Variants in NR2F2 observed in about 807,000 individuals in gnomAD.
The protein encoded by NR2F2 is nuclear receptor subfamily 2 group F member 2, also known as COUP transcription factor 2.
In NR2F2, 2 loss-of-function variants were observed where a neutral mutation model predicts 34.8. That is an observed-to-expected ratio of 0.06 (90% CI 0.02 to 0.18). The LOEUF is 0.18. Ranked by LOEUF, NR2F2 falls within the 10% of genes least tolerant of loss-of-function variation. NR2F2 has a pLI of 1.00. For synonymous variants in NR2F2, 274 were observed against 251.8 expected, an observed-to-expected ratio of 1.09 and a Z score of -0.84; for missense variants, 300 against 580.1, an observed-to-expected ratio of 0.52 and a Z score of 4.96.
In NR2F2 at chr15:96,332,074, G is replaced by T; in HGVS notation, c.-32G>T. 1 of 1,280,986 alleles carries T rather than the reference G, an allele frequency of 7.8e-7. No individual in the cohort carries two copies. The allele number at this position is 1,280,986 out of a possible 1,614,324, so 79.4% of individuals were successfully genotyped here. Reference sequence around the variant, plus strand: ...GCCCCGCCGCCGCCCGCAGCCAGGGGAGCAGGAAGTCCGGACGCAGCCCCC... The same window carrying T: ...GCCCCGCCGCCGCCCGCAGCCAGGGTAGCAGGAAGTCCGGACGCAGCCCCC... On this transcript the variant is annotated 5_prime_UTR_variant, in exon 1 of 3. Coordinates refer to ENST00000394166, the MANE Select transcript of NR2F2 (RefSeq NM_021005.4).
In NR2F2 at chr15:96,337,790, A is replaced by T; in HGVS notation, c.*168A>T. The T allele has an allele frequency of 2.4e-6, 1 of 409,424 alleles. No homozygotes were observed. Among genetic ancestry groups the T allele is most frequent in the East Asian group, 5.0e-5 (1 of 20,004 alleles). The allele number at this position is 409,424 out of a possible 1,614,324, so 25.4% of individuals were successfully genotyped here. A position where few individuals can be genotyped will look rare whatever the true frequency, so the allele number is the denominator to read the frequency against. ...CTGTGAATTTCAAAAAAAAAAAAAA[A>T]GACTGTCAAATGAACTTTTACAGAA... is the stretch of plus-strand genomic sequence containing the variant. On this transcript the variant is annotated 3_prime_UTR_variant, in exon 3 of 3. Transcript: ENST00000394166.
chr15:96,331,255 C>A lies in NR2F2; in HGVS notation c.-851C>A. The stretch of plus-strand genomic sequence containing the variant: ...TGCGGGCGGCGGCGGCCGGAGAGAG[C>A]GAGGCGCGCGCCGGACGCCCGGGGC... On this transcript the variant is annotated 5_prime_UTR_variant, in exon 1 of 3. Transcript: ENST00000394166. 1 of 989,742 alleles carries A rather than the reference C, an allele frequency of 1.0e-6. No homozygotes were observed. Among genetic ancestry groups the A allele is most frequent in the Non-Finnish European group, 1.2e-6 (1 of 834,458 alleles). The allele number at this position is 989,742 out of a possible 1,614,324, so 61.3% of individuals were successfully genotyped here. A position where few individuals can be genotyped will look rare whatever the true frequency, so the allele number is the denominator to read the frequency against.
chr15:96,337,249 A>G, intron 2 of NR2F2, 99 bp from the exon 3 acceptor site: 2 of 1,399,044 alleles, frequency 1.4e-6, no homozygotes, highest in Non-Finnish European at 1.9e-6. Flanking sequence ...ACCTCATGTG[A>G]CCCAATTCAA....
Position 96,339,745 on chromosome 15 carries a change from T to C in NR2F2, c.*2123T>C, listed in dbSNP as rs1319260288. 1.3e-5 allele frequency: 2 copies of C among 152,188 alleles called. No individual in the cohort carries two copies. Among genetic ancestry groups the C allele is most frequent in the African/African-American group, 2.4e-5 (1 of 41,446 alleles). The allele number at this position is 152,188 out of a possible 1,614,324, so 9.4% of individuals were successfully genotyped here. A position where few individuals can be genotyped will look rare whatever the true frequency, so the allele number is the denominator to read the frequency against. ...TTCATTTTTCCTCTTTCTCTTTTCC[T>C]GGTTTGGAGGAAGCTCGGTGCTGGG... On this transcript the variant is annotated 3_prime_UTR_variant, in exon 3 of 3. Transcript: ENST00000394166.
chr15:96,334,723 G>A (rs1899269225), intron 2 of NR2F2, 120 bp downstream of exon 2: 2 of 1,110,074 alleles, frequency 1.8e-6, no homozygotes, highest in Non-Finnish European at 2.5e-6. Flanking sequence ...ACTGTTGAGT[G>A]CAACTTAAAG....
chr15:96,332,063 C>T lies in NR2F2; in HGVS notation c.-43C>T, dbSNP rs1225765824. On this transcript the variant is annotated 5_prime_UTR_variant, in exon 1 of 3. Transcript: ENST00000394166. ...GAGCCGCCGCCGCCCCGCCGCCGCC[C>T]GCAGCCAGGGGAGCAGGAAGTCCGG... The T allele has an allele frequency of 1.3e-5, 17 of 1,267,190 alleles. No homozygotes were observed. The highest frequency in any genetic ancestry group is 1.6e-5 in the Non-Finnish European group (16 of 1,005,550). 78.5% of individuals were successfully genotyped at this position (1,267,190 alleles called of 1,614,324 possible).
Position 96,332,311 on chromosome 15 carries a change from A to G in NR2F2, c.206A>G (p.Asp69Gly). 1 of 1,587,028 alleles carries G rather than the reference A, an allele frequency of 6.3e-7. No homozygotes were observed. The highest frequency in any genetic ancestry group is 8.6e-7 in the Non-Finnish European group (1 of 1,167,256). ...GGCGGCCCTGGCGGCCCGGGTAGCGACAAGCAGCAGCAGCAGCAACACATC... is the reference window on the plus strand; with the variant it reads ...GGCGGCCCTGGCGGCCCGGGTAGCGGCAAGCAGCAGCAGCAGCAACACATC... ...GQGGPGGPGS[D>G]KQQQQQHIEC... is the part of the protein sequence containing the mutation. Residue 69 changes from aspartate to glycine, a missense_variant, in exon 1 of 3, where the codon GAC (aspartate) becomes GGC (glycine). Transcript: ENST00000394166.
Position 96,337,167 on chromosome 15 carries a change from C to T in NR2F2, c.971-181C>T, listed in dbSNP as rs932607494. 2.0e-5 allele frequency among the ~76,000 whole-genome samples: 3 copies of T among 152,020 alleles called. No homozygotes were observed. In the South Asian group the frequency reaches 6.2e-4, roughly 32 times the overall value. On this transcript the variant is annotated intron_variant, in intron 2 of 2. Transcript: ENST00000394166. ...CTTTCTTCCCCCACCCCGCCTCCCC[C>T]CCTTAAGTTTTCAGTACATAGACAT...
upstream of NR2F2, among the ~76,000 whole-genome samples, chr15:96,327,658 G>C (rs1431992182): frequency 6.6e-6 from 1 of 152,226 alleles, no homozygotes; most frequent in Non-Finnish European, 1.5e-5. Context: ...ACACGGACTA[G>C]ATTGAGGGAA....
Position 96,339,370 on chromosome 15 carries a change from T to A in NR2F2, c.*1748T>A. The A allele has an allele frequency of 6.6e-6, 1 of 151,938 alleles. No homozygotes were observed. The highest frequency in any genetic ancestry group is 1.9e-4 in the East Asian group (1 of 5,182). 9.4% of individuals were successfully genotyped at this position (151,938 alleles called of 1,614,324 possible). ...TACTCTAGCGTGGTTGTTGAGAGAGTTTCAAATTCAGTGATACAGGTTCTA... is the reference window on the plus strand; with the variant it reads ...TACTCTAGCGTGGTTGTTGAGAGAGATTCAAATTCAGTGATACAGGTTCTA... On this transcript the variant is annotated 3_prime_UTR_variant, in exon 3 of 3. Transcript: ENST00000394166.
intron 2 of NR2F2, 41 bp from the exon 3 acceptor site, chr15:96,337,302 CTTCTT>C (rs1233674198): frequency 6.4e-7 from 1 of 1,558,640 alleles, no homozygotes; most frequent in Admixed American, 1.8e-5. Context: ...TCTTCTTCTT[CTTCTT>C]TTTCTTCTTC....
In NR2F2 at chr15:96,331,940, C is replaced by T. The variant is rs544781079; in HGVS notation, c.-166C>T. 1,297 of 1,209,560 alleles carry T rather than the reference C, an allele frequency of 1.1e-3. 2 individuals carry two copies. Among genetic ancestry groups the T allele is most frequent in the Admixed American group, 1.8e-3 (42 of 22,768 alleles). The allele number at this position is 1,209,560 out of a possible 1,614,324, so 74.9% of individuals were successfully genotyped here. On this transcript the variant is annotated 5_prime_UTR_variant, in exon 1 of 3. Transcript: ENST00000394166. ...AACAAAAAAGGAAAAACTAACCAAC[C>T]TCAACCAACCAGCCCCCGAGCCACC... is the stretch of plus-strand genomic sequence containing the variant.
chr15:96,332,719 C>T (rs1023985917), intron 1 of NR2F2, 172 bp downstream of exon 1: 1 of 1,385,714 alleles, frequency 7.2e-7, no homozygotes, highest in African/African-American at 1.5e-5. Flanking sequence ...ACCCCAAATC[C>T]GCATGCTTTG....
intron 1 of NR2F2, 37 bp from the exon 2 acceptor site, chr15:96,334,039 G>T: frequency 6.3e-7 from 1 of 1,591,340 alleles, no homozygotes; most frequent in Non-Finnish European, 8.6e-7. Flanking sequence ...ACTGAGGCTG[G>T]TCATTAACTG....
chr15:96,326,730 C>A (rs1898999305), upstream of NR2F2, among the ~76,000 whole-genome samples: 2 of 152,130 alleles, frequency 1.3e-5, no homozygotes, highest in African/African-American at 4.8e-5. The surrounding 1 kb of genome is among the most constrained non-coding windows in gnomAD (Gnocchi z 5.5). Flanking sequence ...CGTGGTTTTG[C>A]AAGCAGCAGA....
upstream of NR2F2, among the ~76,000 whole-genome samples, chr15:96,329,464 G>A (rs1555446752): frequency 3.9e-5 from 6 of 152,176 alleles, no homozygotes; most frequent in Non-Finnish European, 8.8e-5. Flanking sequence ...TTTGGTTCTT[G>A]TGACCTGTAC....
In NR2F2 at chr15:96,332,491, A is replaced by G; in HGVS notation, c.386A>G (p.Asn129Ser). 6.2e-7 allele frequency: 1 copy of G among 1,614,156 alleles called. No homozygotes were observed. The highest frequency in any genetic ancestry group is 8.5e-7 in the Non-Finnish European group (1 of 1,180,002). Reference protein sequence around the residue: ...RNCPIDQHHRNQCQYCRLKKC... With the variant: ...RNCPIDQHHRSQCQYCRLKKC... ...TGTCCCATCGACCAGCACCATCGCA[A>G]CCAGTGCCAGTACTGCCGCCTCAAA... The change falls in exon 1 of 3, where the codon AAC becomes AGC. Residue 129 changes from asparagine (N) to serine (S), a missense_variant. Coordinates refer to ENST00000394166, the MANE Select transcript of NR2F2 (RefSeq NM_021005.4).
rs184941768 is a variant in NR2F2 at position 96,331,980 on chromosome 15, G to T, written c.-126G>T. On this transcript the variant is annotated 5_prime_UTR_variant, in exon 1 of 3. Coordinates refer to ENST00000394166, the MANE Select transcript of NR2F2 (RefSeq NM_021005.4). ...CCCGAGCCACCCGGGGCGCCCTCCC[G>T]CGCCCTCTTGCACCCTCGCACACAC... 2.0e-3 allele frequency: 2,394 copies of T among 1,205,856 alleles called. 100 individuals are homozygous for T. In the Admixed American group the frequency reaches 0.08, roughly 40 times the overall value. The allele number at this position is 1,205,856 out of a possible 1,614,324, so 74.7% of individuals were successfully genotyped here. A position where few individuals can be genotyped will look rare whatever the true frequency, so the allele number is the denominator to read the frequency against.
chr15:96,332,941 C>CCCCCAA (rs1899194044), intron 1 of NR2F2, among the ~76,000 whole-genome samples: 1 of 58,040 alleles, frequency 1.7e-5, no homozygotes, highest in Non-Finnish European at 3.5e-5. Flanking sequence ...CCCACCCTCT[C>CCCCCAA]AAAAAAAAAA....
Sources: allele counts gnomAD v4.1 joint callset (sites outside exome capture counted in the v4.1 genomes callset), GRCh38; gene constraint gnomAD v4.1.1; non-coding constraint Gnocchi (gnomAD v3.1); transcripts MANE v1.5; gene names NCBI Gene and HGNC (gene_info 2026-07-23, HGNC 2026-07-21).